Variants in EYA4 observed in about 807,000 individuals in gnomAD.
EYA4 encodes the protein EYA transcriptional coactivator and phosphatase 4, also known as protein phosphatase EYA4.
In EYA4, 31 loss-of-function variants were observed where a neutral mutation model predicts 87.9. The observed-to-expected ratio is 0.35, with a 90% CI of 0.27 to 0.48. The LOEUF (loss-of-function observed/expected upper bound fraction) is 0.48. Among genes scored for constraint, EYA4 ranks in the 20% least tolerant of loss-of-function variants. The pLI is 0.99. For missense variants in EYA4, 678 were observed against 761.4 expected, an observed-to-expected ratio of 0.89 and a Z score of 1.29; for synonymous variants, 263 against 270.6, an observed-to-expected ratio of 0.97 and a Z score of 0.28.
chr6:133,249,871 A>G (rs1214360741), intron 1 of EYA4, among the ~76,000 whole-genome samples: 1 of 152,244 alleles, frequency 6.6e-6, no homozygotes, highest in African/African-American at 2.4e-5. Flanking sequence ...AATGTAATAG[A>G]TTACATTAGT....
intron 3 of EYA4, among the ~76,000 whole-genome samples, chr6:133,396,683 T>C (rs776496512): frequency 6.6e-6 from 1 of 152,152 alleles, no homozygotes; most frequent in Non-Finnish European, 1.5e-5. Flanking sequence ...AACCATGGTA[T>C]AGAGAAAAAA....
chr6:133,384,883 A>G (rs1364564426), intron 3 of EYA4, among the ~76,000 whole-genome samples: 1 of 152,198 alleles, frequency 6.6e-6, no homozygotes, highest in East Asian at 1.9e-4. Context: ...ACTGAGGTTC[A>G]GTTTTTCTAA....
At chr6:133,325,174 T>A (rs1781406658) in intron 2 of EYA4, 1 of 152,518 alleles carries the variant, frequency 6.6e-6, no homozygotes. Context: ...CTTGAGCCAC[T>A]GTGCCCAGCC....
chr6:133,329,880 G>A (rs183396119), intron 2 of EYA4, among the ~76,000 whole-genome samples: 32 of 152,156 alleles, frequency 2.1e-4, no homozygotes, highest in Admixed American at 6.5e-4. Context: ...TAATTCTGAA[G>A]TGGTGTGTTT....
chr6:133,356,529 T>C (rs1312337728), intron 2 of EYA4, among the ~76,000 whole-genome samples: 1 of 152,140 alleles, frequency 6.6e-6, no homozygotes, highest in African/African-American at 2.4e-5. Context: ...TAACTATTGT[T>C]ATGAAAGTTA....
intron 13 of EYA4, among the ~76,000 whole-genome samples, chr6:133,492,363 T>C (rs1290129037): frequency 6.6e-6 from 1 of 152,224 alleles, no homozygotes; most frequent in African/African-American, 2.4e-5. Context: ...ATAAAGATTA[T>C]TTCATCTGAT....
At chr6:133,303,061 G>A (rs9373048) in intron 2 of EYA4, among the ~76,000 whole-genome samples, 30,785 of 152,036 alleles carry the variant, frequency 0.2, 3,307 homozygotes, top group African/African-American at 0.27. Context: ...ATTTCCAAAC[G>A]CAAATGACAG....
At chr6:133,515,181 T>C in intron 16 of EYA4, 140 bp from the exon 17 acceptor site, 1 of 695,810 alleles carries the variant, frequency 1.4e-6, no homozygotes, top group East Asian at 2.7e-5. Context: ...AGGATCAATA[T>C]GGACATAAAT....
At chr6:133,376,168 G>T (rs211606) in intron 2 of EYA4, among the ~76,000 whole-genome samples, 103,227 of 151,516 alleles carry the variant, frequency 0.68, 37,000 homozygotes, top group Non-Finnish European at 0.8. Context: ...CTCCATTTTT[G>T]GAAAAAAATA....
chr6:133,363,027 A>G (rs1784570759), intron 2 of EYA4: 2 of 152,230 alleles, frequency 1.3e-5, no homozygotes, highest in Non-Finnish European at 2.9e-5. Context: ...AACTGGCCCA[A>G]TTTATCATCC....
At chr6:133,383,981 T>C (rs1362762392) in intron 3 of EYA4, among the ~76,000 whole-genome samples, 1 of 152,180 alleles carries the variant, frequency 6.6e-6, no homozygotes. Flanking sequence ...GGATGATATA[T>C]GTAATTAGAT....
chr6:133,283,111 T>G (rs1044865196), intron 2 of EYA4, among the ~76,000 whole-genome samples: 1 of 151,978 alleles, frequency 6.6e-6, no homozygotes, highest in African/African-American at 2.4e-5. Flanking sequence ...CTGGCCAACA[T>G]GGTGAAACCC....
At chr6:133,345,874 T>G (rs1783154700) in intron 2 of EYA4, among the ~76,000 whole-genome samples, 1 of 152,252 alleles carries the variant, frequency 6.6e-6, no homozygotes, top group Admixed American at 6.5e-5. Flanking sequence ...TATGCAGTGC[T>G]TAAGAGAAGG....
In EYA4 at chr6:133,522,912, GTGTC is replaced by G. The variant is rs1289749935; in HGVS notation, c.1617-137_1617-134del. 1.2e-5 allele frequency: 8 copies of G among 675,032 alleles called. No homozygotes were observed. In the East Asian group the frequency reaches 1.6e-4, roughly 14 times the overall value. 41.8% of individuals were successfully genotyped at this position (675,032 alleles called of 1,614,324 possible). A position where few individuals can be genotyped will look rare whatever the true frequency, so the allele number is the denominator to read the frequency against. On this transcript the variant is annotated intron_variant, in intron 17 of 19. Transcript: ENST00000355286. ...TTAATAATCTGCCATTATTGGAGGA[GTGTC>G]TGTCTGCTGATAGGCAATAGTAATG...
At chr6:133,496,390 A>C (rs968942426) in intron 13 of EYA4, among the ~76,000 whole-genome samples, 1 of 152,168 alleles carries the variant, frequency 6.6e-6, no homozygotes, top group Non-Finnish European at 1.5e-5. Context: ...TCCTCTACAC[A>C]CATATGACCG....
intron 13 of EYA4, among the ~76,000 whole-genome samples, chr6:133,503,552 C>T (rs1051305671): frequency 1.3e-5 from 2 of 152,238 alleles, no homozygotes; most frequent in African/African-American, 4.8e-5. Flanking sequence ...GAACATTCCT[C>T]AGAAGCACAG....
At chr6:133,267,397 T>G (rs887306879) in intron 1 of EYA4, among the ~76,000 whole-genome samples, 1 of 152,112 alleles carries the variant, frequency 6.6e-6, no homozygotes, top group Non-Finnish European at 1.5e-5. Context: ...CTTTTTTTTT[T>G]TGAGACAGAG....
At chr6:133,407,887 G>T (rs1788864839) in intron 3 of EYA4, among the ~76,000 whole-genome samples, 1 of 152,112 alleles carries the variant, frequency 6.6e-6, no homozygotes, top group Non-Finnish European at 1.5e-5. Flanking sequence ...GAGTGCCAGA[G>T]AATCAAAAGC....
intron 2 of EYA4, among the ~76,000 whole-genome samples, chr6:133,319,511 C>CTT (rs34103179): frequency 0.19 from 27,046 of 145,314 alleles, 2,529 homozygotes; most frequent in African/African-American, 0.21. Flanking sequence ...GATAGTGTCC[C>CTT]TTTTTTTTTT....
Sources: allele counts gnomAD v4.1 joint callset (sites outside exome capture counted in the v4.1 genomes callset), GRCh38; gene constraint gnomAD v4.1.1; transcripts MANE v1.5; gene names NCBI Gene and HGNC (gene_info 2026-07-23, HGNC 2026-07-21).